SIPA1L2: variants seen among roughly 807,000 people sequenced by gnomAD.
SIPA1L2 encodes the protein signal-induced proliferation-associated 1-like protein 2.
Under a neutral mutation model 163.9 loss-of-function variants are expected in SIPA1L2, and 56 were observed. The ratio of observed to expected loss-of-function variants is 0.34; its 90% CI spans 0.28 to 0.43. The LOEUF is 0.43. SIPA1L2 is among the 20% of genes least tolerant of loss of function. The probability of loss-of-function intolerance (pLI) is 1.00; values close to 1 mark genes in which losing one functional copy is unlikely to be tolerated. For synonymous variants in SIPA1L2, 877 were observed against 865.7 expected (o/e 1.01, Z -0.23); for missense variants, 1,974 against 2,193.5 (o/e 0.90, Z 2.00).
chr1:232,425,330 A>G (rs1244689597), intron 18 of SIPA1L2, among the ~76,000 whole-genome samples: 2 of 152,172 alleles, frequency 1.3e-5, no homozygotes, highest in African/African-American at 2.4e-5. Context: ...ATGATGCAGA[A>G]GTCACTATTG....
chr1:232,484,653 C>T (rs756525273), intron 5 of SIPA1L2, among the ~76,000 whole-genome samples: 17 of 152,230 alleles, frequency 1.1e-4, no homozygotes, highest in Non-Finnish European at 2.2e-4. Flanking sequence ...GGAGCTCCTG[C>T]TGTAATCCTA....
intron 1 of SIPA1L2, among the ~76,000 whole-genome samples, chr1:232,595,005 T>C (rs1372057577): frequency 6.6e-6 from 1 of 152,070 alleles, no homozygotes; most frequent in Non-Finnish European, 1.5e-5. Context: ...GTGATTCCAA[T>C]ATGGAGCCAA....
rs113255944 is a variant in SIPA1L2, at chr1:232,514,233, C to T, written c.1107G>A (p.Met369Ile). Residue 369 changes from methionine to isoleucine, a missense_variant, in exon 3 of 23, where the codon ATG (methionine) becomes ATA (isoleucine). Transcript: ENST00000674635. ...TGASAASQTQMPTGQTGNCES... is the reference protein window; with the variant it reads ...TGASAASQTQIPTGQTGNCES... ...CACAGTTGCCTGTCTGGCCCGTAGG[C>T]ATCTGAGTCTGGGATGCTGCAGATG... 620 of 1,614,222 alleles carry T rather than the reference C, an allele frequency of 3.8e-4. 5 individuals carry two copies. The African/African-American group carries it at 7.3e-3, about 19-fold the overall frequency.
At chr1:232,543,458 C>T (rs1657817962) in intron 2 of SIPA1L2, among the ~76,000 whole-genome samples, 1 of 81,616 alleles carries the variant, frequency 1.2e-5, no homozygotes, top group Non-Finnish European at 2.5e-5. Flanking sequence ...TCCTCTTCTG[C>T]CTACTCGATG....
At chr1:232,491,614 A>T (rs1007913419) in intron 4 of SIPA1L2, among the ~76,000 whole-genome samples, 2 of 152,176 alleles carry the variant, frequency 1.3e-5, no homozygotes, top group African/African-American at 4.8e-5. Flanking sequence ...TTGTCTCATG[A>T]CTTTTTAGAT....
chr1:232,458,614 T>C (rs986237078), intron 10 of SIPA1L2, among the ~76,000 whole-genome samples: 1 of 152,308 alleles, frequency 6.6e-6, no homozygotes, highest in Middle Eastern at 3.4e-3. Context: ...AATTCTATAG[T>C]AATCGGCTGC....
intron 7 of SIPA1L2, among the ~76,000 whole-genome samples, chr1:232,475,485 G>A (rs534018561): frequency 1.3e-5 from 2 of 152,292 alleles, no homozygotes; most frequent in South Asian, 2.1e-4. Context: ...TTTAAGAGGC[G>A]TATAGAGTTT....
At chr1:232,505,026 T>C (rs550833743) in intron 3 of SIPA1L2, among the ~76,000 whole-genome samples, 1 of 152,280 alleles carries the variant, frequency 6.6e-6, no homozygotes, top group East Asian at 1.9e-4. Flanking sequence ...AATGTATCCT[T>C]GACATAAAAA....
At chr1:232,505,794 G>A (rs923463476) in intron 3 of SIPA1L2, among the ~76,000 whole-genome samples, 1 of 152,182 alleles carries the variant, frequency 6.6e-6, no homozygotes, top group Admixed American at 6.5e-5. Flanking sequence ...GCCAGGGAGA[G>A]AGGTGAAGAA....
At chr1:232,598,705 G>A (rs189732157) in intron 1 of SIPA1L2, among the ~76,000 whole-genome samples, 26 of 152,156 alleles carry the variant, frequency 1.7e-4, no homozygotes, top group Admixed American at 1.6e-3. Context: ...CCTCTCTTGG[G>A]CATCTTATAG....
chr1:232,466,278 C>T (rs1664507892), intron 8 of SIPA1L2, among the ~76,000 whole-genome samples: 1 of 152,152 alleles, frequency 6.6e-6, no homozygotes, highest in Non-Finnish European at 1.5e-5. Flanking sequence ...AAAGGAAATG[C>T]TCACTTTACT....
intron 2 of SIPA1L2, among the ~76,000 whole-genome samples, chr1:232,544,284 G>A (rs1487514424): frequency 1.3e-5 from 2 of 152,176 alleles, no homozygotes; most frequent in Non-Finnish European, 2.9e-5. Flanking sequence ...GCTAGCGGCC[G>A]GGCGCAATGG....
chr1:232,483,697 G>C (rs1010713302), intron 6 of SIPA1L2, 95 bp downstream of exon 6: 1 of 1,393,866 alleles, frequency 7.2e-7, no homozygotes, highest in African/African-American at 1.5e-5. Context: ...TCTGGGGCCG[G>C]GAACAGGAGG....
chr1:232,484,071 C>A, intron 5 of SIPA1L2, 105 bp from the exon 6 acceptor site: 2 of 1,066,966 alleles, frequency 1.9e-6, no homozygotes, highest in Non-Finnish European at 2.7e-6. Flanking sequence ...GGAAAGCATG[C>A]CAGAACAATT....
chr1:232,591,840 T>A (rs1459070260), intron 1 of SIPA1L2, among the ~76,000 whole-genome samples: 3 of 152,204 alleles, frequency 2.0e-5, no homozygotes, highest in Non-Finnish European at 2.9e-5. Context: ...CAAGAGGAAC[T>A]CTTGTTCCTC....
chr1:232,413,851 GCAGAAAGATCTGGT>G (rs1258424845), intron 19 of SIPA1L2, among the ~76,000 whole-genome samples: 1 of 152,158 alleles, frequency 6.6e-6, no homozygotes, highest in African/African-American at 2.4e-5. Flanking sequence ...CTCTCCTGGG[GCAGAAAGATCTGGT>G]CAGAGTGAGA....
rs1419763018 is a variant in SIPA1L2, at chr1:232,516,109, T to A, written c.-269-501A>T. Among the ~76,000 whole-genome samples, 3 of 152,248 alleles carry A rather than the reference T, an allele frequency of 2.0e-5. No homozygotes were observed. The South Asian group carries it at 6.2e-4, about 31-fold the overall frequency. On this transcript the variant is annotated intron_variant, in intron 2 of 22. Coordinates refer to ENST00000674635, the MANE Select transcript of SIPA1L2 (RefSeq NM_020808.5). ...GTCATGTATATAATGGGTTTCAGTA[T>A]TATTAGTTTAGTTTCTTTCAAAACA...
chr1:232,497,009 T>C (rs1052372010), intron 3 of SIPA1L2, among the ~76,000 whole-genome samples: 2 of 152,208 alleles, frequency 1.3e-5, no homozygotes, highest in Non-Finnish European at 2.9e-5. Context: ...TACATAAAAC[T>C]ACCTTTTATG....
chr1:232,617,425 C>T (rs1662559209), intron 1 of SIPA1L2, among the ~76,000 whole-genome samples: 1 of 152,212 alleles, frequency 6.6e-6, no homozygotes. Context: ...ACAGAAATTG[C>T]TCCTAAAATC....
Sources: allele counts gnomAD v4.1 joint callset (sites outside exome capture counted in the v4.1 genomes callset), GRCh38; gene constraint gnomAD v4.1.1; transcripts MANE v1.5; gene names NCBI Gene and HGNC (gene_info 2026-07-23, HGNC 2026-07-21).